The following FZR1 variants were observed in gnomAD, a reference collection of about 807,000 sequenced individuals.
FZR1 encodes the protein fizzy-related protein homolog.
FZR1 carries 11 observed loss-of-function variants against 63.6 expected under a neutral mutation model. The ratio of observed to expected loss-of-function variants is 0.17; its 90% CI spans 0.11 to 0.29. The LOEUF is 0.29. Among genes scored for constraint, FZR1 ranks in the 10% least tolerant of loss-of-function variants. The pLI is 1.00. For synonymous variants in FZR1, 328 were observed against 297.9 expected (o/e 1.10, Z -1.04); for missense variants, 440 against 687.5 (o/e 0.64, Z 4.03).
At chr19:3,512,872 C>T (rs1353515145) in intron 1 of FZR1, among the ~76,000 whole-genome samples, 6 of 152,136 alleles carry the variant, frequency 3.9e-5, no homozygotes, top group Non-Finnish European at 7.3e-5. Flanking sequence ...CACTCCTGGG[C>T]GCAGGGCAGG....
rs57486013 is a variant in FZR1, at chr19:3,525,432, C to CTTTTTTTTTTTTTTTT, written c.70-423_70-408dup. ...TGTGTGGCTCCCCTCCTTGGGTTTTCTTTTTTTTTTTTTTTTTTTTTTTTT... is the reference window on the plus strand; with the variant it reads ...TGTGTGGCTCCCCTCCTTGGGTTTTCTTTTTTTTTTTTTTTTTTTTTTTTTTTTTTTTTTTTTTTTT... On this transcript the variant is annotated intron_variant, in intron 2 of 13. Transcript: ENST00000441788. This position sits in a 1 kb window ranked among gnomAD's most constrained non-coding sequence, Gnocchi z 4.2. 1.5e-5 allele frequency among the ~76,000 whole-genome samples: 1 copy of CTTTTTTTTTTTTTTTT among 68,700 alleles called. No individual in the cohort carries two copies. The highest frequency in any genetic ancestry group is 6.1e-5 in the African/African-American group (1 of 16,514). The allele number at this position is 68,700 out of a possible 152,430, so 45.1% of individuals were successfully genotyped here.
rs529824041 is a variant in FZR1 at position 3,526,680 on chromosome 19, G to A, written c.387+294G>A. ...GGTCCCGAACACCCAAGCCGGTGGG[G>A]GTCCTGCCCGTAGGGGGCAGTACTG... On this transcript the variant is annotated intron_variant, in intron 5 of 13. Transcript: ENST00000441788. The surrounding 1 kb of genome is among the most constrained non-coding windows in gnomAD (Gnocchi z 5.4). Among the ~76,000 whole-genome samples, 4 of 152,334 alleles carry A rather than the reference G, an allele frequency of 2.6e-5. No individual in the cohort carries two copies. The South Asian group carries it at 8.3e-4, about 32-fold the overall frequency.
At chr19:3,517,129 C>T (rs1373104800) in intron 1 of FZR1, among the ~76,000 whole-genome samples, 1 of 152,248 alleles carries the variant, frequency 6.6e-6, no homozygotes, top group Non-Finnish European at 1.5e-5. Flanking sequence ...GTGGCTCACA[C>T]CTGTAACCCC....
chr19:3,532,155 A>C (rs903885435), intron 10 of FZR1, 60 bp downstream of exon 10: 12 of 1,411,460 alleles, frequency 8.5e-6, no homozygotes, highest in Non-Finnish European at 1.1e-5. Context: ...TCACACTGGC[A>C]GGAACGGAAG....
At position 3,531,927 on chromosome 19, in the gene FZR1, T is replaced by G; in HGVS notation, c.840T>G (p.Asn280Lys). 1 of 1,596,250 alleles carries G rather than the reference T, an allele frequency of 6.3e-7. No homozygotes were observed. The highest frequency in any genetic ancestry group is 1.7e-5 in the Admixed American group (1 of 58,208). The change falls in exon 10 of 14, where the codon AAT (asparagine) becomes AAG (lysine). Residue 280 changes from asparagine (N) to lysine (K), a missense_variant. By Grantham distance (94) the Asn-to-Lys change is moderately conservative. Around this residue, in one of 5 missense-constraint regions of FZR1, gnomAD observed 208 missense variants for 363.6 expected, o/e 0.57. Coordinates refer to ENST00000441788, the MANE Select transcript of FZR1 (RefSeq NM_016263.4). Reference sequence around the variant, plus strand: ...GGCCTCCAGGGGCGCTGGCCTGGAATGCTGAGCAGCTGTCGTCCGGGAGCC... The same window carrying G: ...GGCCTCCAGGGGCGCTGGCCTGGAAGGCTGAGCAGCTGTCGTCCGGGAGCC... ...HTARVGALAW[N>K]AEQLSSGSRD...
At position 3,532,662 on chromosome 19, in the gene FZR1, C is replaced by T. The variant is rs758781110; in HGVS notation, c.1242+12C>T. 6.9e-5 allele frequency: 109 copies of T among 1,588,950 alleles called. No homozygotes were observed. Among genetic ancestry groups the T allele is most frequent in the Admixed American group, 4.2e-4 (25 of 59,698 alleles). ...ACGCCAACGAGCTGGTGAGCACGGG[C>T]GGCCCGGCCTCCCACCAGGCCTCAG... On this transcript the variant is annotated intron_variant, in intron 11 of 13. Coordinates refer to ENST00000441788, the MANE Select transcript of FZR1 (RefSeq NM_016263.4).
intron 7 of FZR1, among the ~76,000 whole-genome samples, chr19:3,529,697 T>TGAGG (rs1437653805): frequency 2.3e-4 from 21 of 92,974 alleles, no homozygotes; most frequent in African/African-American, 1.3e-3. Context: ...AGTGGATGGT[T>TGAGG]GAGCGGATGG....
intron 7 of FZR1, among the ~76,000 whole-genome samples, chr19:3,528,326 C>G (rs1273730660): frequency 6.6e-6 from 1 of 152,236 alleles, no homozygotes; most frequent in African/African-American, 2.4e-5. Context: ...TCAGGGATAA[C>G]GCCATGCGAG....
At chr19:3,534,227 T>TTA (rs1555694573) in intron 12 of FZR1, 194 bp from the exon 13 acceptor site, 8 of 283,118 alleles carry the variant, frequency 2.8e-5, no homozygotes, top group South Asian at 2.6e-4. Flanking sequence ...GTCTTAAAAT[T>TTA]AAAAAAAAAA....
intron 1 of FZR1, among the ~76,000 whole-genome samples, chr19:3,508,082 G>A (rs1599768832): frequency 1.4e-5 from 2 of 146,204 alleles, no homozygotes; most frequent in Admixed American, 6.8e-5. Context: ...CAGAACCTGT[G>A]CCCTGGCTGC....
At chr19:3,517,856 C>CTT (rs763347330) in intron 1 of FZR1, among the ~76,000 whole-genome samples, 2 of 137,038 alleles carry the variant, frequency 1.5e-5, no homozygotes, top group Non-Finnish European at 1.6e-5. Context: ...AAACAAAGTT[C>CTT]TTTTTTTTTT....
In FZR1 at chr19:3,537,550, G is replaced by C. The variant is rs987541537; in HGVS notation, c.*2714G>C. 1.3e-5 allele frequency: 2 copies of C among 152,778 alleles called. No individual in the cohort carries two copies. Among genetic ancestry groups the C allele is most frequent in the Admixed American group, 1.3e-4 (2 of 15,316 alleles). 9.5% of individuals were successfully genotyped at this position (152,778 alleles called of 1,614,324 possible). On this transcript the variant is annotated 3_prime_UTR_variant, in exon 14 of 14. Transcript: ENST00000441788. ...GAGGCAGGAGCCTGGCCCAGGGGGT[G>C]CTGGTGCCTCCCCGGGGTCTGGGCG...
At chr19:3,524,694 C>A (rs377325080) in intron 2 of FZR1, among the ~76,000 whole-genome samples, 2 of 152,112 alleles carry the variant, frequency 1.3e-5, no homozygotes, top group Non-Finnish European at 2.9e-5. Context: ...GGCAGGGCCA[C>A]GCTTCCTCTC....
At chr19:3,518,492 A>G (rs2083075261) in intron 1 of FZR1, among the ~76,000 whole-genome samples, 1 of 151,812 alleles carries the variant, frequency 6.6e-6, no homozygotes. Flanking sequence ...GCTGGGCCCC[A>G]CCTGCAAAGT....
chr19:3,523,088 G>A (rs1422162833), intron 2 of FZR1, 30 bp downstream of exon 2: 1 of 1,366,460 alleles, frequency 7.3e-7, no homozygotes, highest in Non-Finnish European at 1.0e-6. Context: ...CCACCACTGT[G>A]GCTCCCCCTC....
chr19:3,509,391 CTT>C (rs1392527486), intron 1 of FZR1, among the ~76,000 whole-genome samples: 1 of 152,258 alleles, frequency 6.6e-6, no homozygotes, highest in African/African-American at 2.4e-5. Context: ...CCCACTCTCT[CTT>C]GGCTTCCTAC....
rs1266437770 is a variant in FZR1, at chr19:3,515,287, C to T, written c.-34-7669C>T. ...CACGGCCACACACGTTGTCTGTGCT[C>T]AGGAATTACTTAACAGCAGCTTAAG... On this transcript the variant is annotated intron_variant, in intron 1 of 13. Coordinates refer to ENST00000441788, the MANE Select transcript of FZR1 (RefSeq NM_016263.4). This position sits in a 1 kb window ranked among gnomAD's most constrained non-coding sequence, Gnocchi z 4.6. 2.0e-5 allele frequency among the ~76,000 whole-genome samples: 3 copies of T among 152,220 alleles called. No homozygotes were observed. Among genetic ancestry groups the T allele is most frequent in the African/African-American group, 7.2e-5 (3 of 41,456 alleles).
chr19:3,527,960 C>T, intron 7 of FZR1, 146 bp downstream of exon 7: 1 of 574,954 alleles, frequency 1.7e-6, no homozygotes, highest in East Asian at 3.4e-5. Flanking sequence ...GCCTCCCAGC[C>T]ACAGCCCTCC....
chr19:3,511,523 G>A (rs939698483), intron 1 of FZR1, among the ~76,000 whole-genome samples: 2 of 151,744 alleles, frequency 1.3e-5, no homozygotes. Context: ...GGCAACATAG[G>A]GAGACCCTGA....
Sources: gnomAD v4.1 joint callset for allele counts (sites outside exome capture counted in the v4.1 genomes callset) on GRCh38, gnomAD v4.1.1 for gene constraint, gnomAD v4.1.1 regional missense constraint, Gnocchi (gnomAD v3.1) non-coding constraint, MANE v1.5 for transcripts, NCBI Gene and HGNC (gene_info 2026-07-23, HGNC 2026-07-21) for gene names.